KCNMA1: variants seen among roughly 807,000 people sequenced by gnomAD.
KCNMA1 encodes Calcium-activated potassium channel subunit alpha-1.
Under a neutral mutation model 140.0 loss-of-function variants are expected in KCNMA1, and 29 were observed. The observed-to-expected ratio is 0.21, with a 90% CI of 0.15 to 0.28. The LOEUF is 0.28. KCNMA1 is among the 10% of genes least tolerant of loss of function. KCNMA1 has a pLI of 1.00. For missense variants in KCNMA1, 880 were observed against 1,602.2 expected (o/e 0.55, Z 7.70); for synonymous variants, 612 against 611.9 (o/e 1.00, Z 0.00).
At chr10:76,980,300 C>T (rs1041334732) in intron 19 of KCNMA1, 4 of 152,230 alleles carry the variant, frequency 2.6e-5, no homozygotes, top group African/African-American at 4.8e-5. Flanking sequence ...AGGATATGAG[C>T]TTCTTGAGTC....
chr10:77,430,328 T>C (rs1221268569), intron 1 of KCNMA1, among the ~76,000 whole-genome samples: 1 of 152,184 alleles, frequency 6.6e-6, no homozygotes, highest in East Asian at 1.9e-4. Flanking sequence ...AAATACAAGA[T>C]TTACTGAGCA....
chr10:77,102,675 A>T (rs1259971090), intron 9 of KCNMA1, among the ~76,000 whole-genome samples: 2 of 152,176 alleles, frequency 1.3e-5, no homozygotes, highest in Non-Finnish European at 2.9e-5. Context: ...CTTAGTGGGT[A>T]ATGCAAGCTG....
At chr10:77,427,724 TA>T (rs879652496) in intron 1 of KCNMA1, among the ~76,000 whole-genome samples, 324 of 100,362 alleles carry the variant, frequency 3.2e-3, no homozygotes, top group Middle Eastern at 0.011. Flanking sequence ...TCCATTCATT[TA>T]TTTATTTATT....
intron 14 of KCNMA1, among the ~76,000 whole-genome samples, chr10:77,042,312 T>C (rs1336668907): frequency 6.6e-6 from 1 of 152,248 alleles, no homozygotes; most frequent in African/African-American, 2.4e-5. Flanking sequence ...GAATAAAAGA[T>C]ATGCTTGACT....
intron 1 of KCNMA1, among the ~76,000 whole-genome samples, chr10:77,439,232 C>T (rs1317611564): frequency 6.6e-6 from 1 of 152,132 alleles, no homozygotes; most frequent in Non-Finnish European, 1.5e-5. Context: ...ATACCTGTAT[C>T]CCATCACCTA....
At chr10:77,103,542 C>A (rs1414927429) in intron 9 of KCNMA1, among the ~76,000 whole-genome samples, 1 of 152,188 alleles carries the variant, frequency 6.6e-6, no homozygotes, top group African/African-American at 2.4e-5. Flanking sequence ...ATCTGCCCAG[C>A]AGGGAAGTCC....
intron 3 of KCNMA1, among the ~76,000 whole-genome samples, chr10:77,226,409 G>A (rs1354772175): frequency 1.3e-5 from 2 of 151,800 alleles, no homozygotes; most frequent in Non-Finnish European, 2.9e-5. Flanking sequence ...GCACATTAAC[G>A]AGACGACATT....
intron 1 of KCNMA1, among the ~76,000 whole-genome samples, chr10:77,571,855 C>T (rs1254553248): frequency 1.3e-5 from 2 of 152,156 alleles, no homozygotes; most frequent in Non-Finnish European, 2.9e-5. Flanking sequence ...TTTCTTTGGT[C>T]TTTGGAGCCC....
chr10:77,227,620 CTG>C (rs1385296309), intron 3 of KCNMA1, among the ~76,000 whole-genome samples: 1 of 152,228 alleles, frequency 6.6e-6, no homozygotes, highest in Non-Finnish European at 1.5e-5. Context: ...TTTCATTTCT[CTG>C]TCATTATCAG....
chr10:77,611,233 T>C (rs1440776406), intron 1 of KCNMA1, among the ~76,000 whole-genome samples: 1 of 152,240 alleles, frequency 6.6e-6, no homozygotes, highest in Non-Finnish European at 1.5e-5. Context: ...GCCAGTTCAG[T>C]TACAGCAACT....
At chr10:76,942,915 A>G (rs1222457263) in intron 23 of KCNMA1, among the ~76,000 whole-genome samples, 1 of 152,058 alleles carries the variant, frequency 6.6e-6, no homozygotes, top group Non-Finnish European at 1.5e-5. Flanking sequence ...TGTTCATGTG[A>G]AGGTTTACTG....
chr10:77,146,244 T>C (rs563101012), intron 5 of KCNMA1, among the ~76,000 whole-genome samples: 128 of 152,278 alleles, frequency 8.4e-4, no homozygotes, highest in African/African-American at 3.0e-3. Flanking sequence ...CCTTGTTTAT[T>C]GATGCCTAAA....
rs2095883830 is a variant in KCNMA1 at position 77,065,216 on chromosome 10, C to A, written c.1749+7881G>T. 2.0e-5 allele frequency among the ~76,000 whole-genome samples: 3 copies of A among 152,084 alleles called. No individual in the cohort carries two copies. In the South Asian group the frequency reaches 6.2e-4, roughly 32 times the overall value. The stretch of plus-strand genomic sequence containing the variant: ...CCCATCTTCACAGTGCTCACCTTGT[C>A]CCAGGGAAAAGAGGCAATAAACACC... On this transcript the variant is annotated intron_variant, in intron 14 of 27. Transcript: ENST00000286628.
intron 1 of KCNMA1, among the ~76,000 whole-genome samples, chr10:77,423,631 C>T (rs542744721): frequency 6.6e-6 from 1 of 152,262 alleles, no homozygotes; most frequent in South Asian, 2.1e-4. Context: ...GATGAAAAAT[C>T]AGAGCCAAGT....
intron 23 of KCNMA1, chr10:76,939,640 A>G (rs966250299): frequency 3.3e-5 from 5 of 152,216 alleles, no homozygotes; most frequent in African/African-American, 7.2e-5. Context: ...TGCCTGATGC[A>G]TGGAGAACAG....
At chr10:76,995,410 G>C (rs2083952214) in intron 19 of KCNMA1, 2 of 378,820 alleles carry the variant, frequency 5.3e-6, no homozygotes, top group Non-Finnish European at 1.1e-5. Context: ...TGCAGGTGGA[G>C]GAAAGAGGCA....
intron 17 of KCNMA1, among the ~76,000 whole-genome samples, chr10:77,018,347 C>G (rs139076069): frequency 1.3e-5 from 2 of 152,262 alleles, no homozygotes; most frequent in African/African-American, 4.8e-5. Flanking sequence ...TAAATTTCTC[C>G]AAGTTCATAA....
chr10:77,024,689 C>T (rs979727671), intron 16 of KCNMA1, among the ~76,000 whole-genome samples: 4 of 151,796 alleles, frequency 2.6e-5, no homozygotes, highest in African/African-American at 7.3e-5. Flanking sequence ...TGCCCAAACA[C>T]ACTAGGAAAA....
At chr10:77,402,435 G>A (rs2096300714) in intron 2 of KCNMA1, among the ~76,000 whole-genome samples, 1 of 152,006 alleles carries the variant, frequency 6.6e-6, no homozygotes, top group Non-Finnish European at 1.5e-5. Flanking sequence ...AACTTTAAAT[G>A]TCCCCTCTTT....
Sources: gnomAD v4.1 joint callset for allele counts (sites outside exome capture counted in the v4.1 genomes callset) on GRCh38, gnomAD v4.1.1 for gene constraint, MANE v1.5 for transcripts, NCBI Gene and HGNC (gene_info 2026-07-23, HGNC 2026-07-21) for gene names.